The following CCDC148 variants were observed in gnomAD, a reference collection of about 807,000 sequenced individuals.
The protein encoded by CCDC148 is coiled-coil domain containing 148.
CCDC148 carries 89 observed loss-of-function variants against 85.7 expected under a neutral mutation model. That is an observed-to-expected ratio of 1.04 (90% confidence interval 0.87 to 1.24). The LOEUF (loss-of-function observed/expected upper bound fraction) is 1.24, where lower values mean the gene tolerates loss of function less well. Among genes scored for constraint, CCDC148 ranks in the 50% most tolerant of loss-of-function variants. The pLI is 0.00. For synonymous variants in CCDC148, 230 were observed against 213.9 expected (o/e 1.08, Z -0.66); for missense variants, 692 against 671.7 (o/e 1.03, Z -0.33).
At chr2:158,247,545 C>A (rs1688616417) in intron 10 of CCDC148, among the ~76,000 whole-genome samples, 1 of 152,062 alleles carries the variant, frequency 6.6e-6, no homozygotes, top group Admixed American at 6.6e-5. Flanking sequence ...TAGCTCACTT[C>A]TACTACGGAA....
At chr2:158,353,601 G>A (rs951711760) in intron 2 of CCDC148, among the ~76,000 whole-genome samples, 1 of 151,934 alleles carries the variant, frequency 6.6e-6, no homozygotes, top group African/African-American at 2.4e-5. Flanking sequence ...CCTACAAAGA[G>A]ACTTAGACTC....
At chr2:158,362,666 G>A (rs1431247732) in intron 1 of CCDC148, among the ~76,000 whole-genome samples, 1 of 152,168 alleles carries the variant, frequency 6.6e-6, no homozygotes, top group African/African-American at 2.4e-5. Flanking sequence ...AACAGCTAAA[G>A]CAGTGTGTAG....
At chr2:158,183,323 C>A (rs950618598) in intron 11 of CCDC148, among the ~76,000 whole-genome samples, 1 of 152,130 alleles carries the variant, frequency 6.6e-6, no homozygotes, top group Non-Finnish European at 1.5e-5. Flanking sequence ...AATGTGTGCA[C>A]AGCACTCTAA....
chr2:158,369,303 G>T (rs1684336372), intron 1 of CCDC148, among the ~76,000 whole-genome samples: 1 of 152,094 alleles, frequency 6.6e-6, no homozygotes, highest in Admixed American at 6.6e-5. Context: ...TCCTATCCAT[G>T]AGCATGGAAT....
At chr2:158,210,898 G>T (rs1277985234) in intron 11 of CCDC148, among the ~76,000 whole-genome samples, 1 of 149,334 alleles carries the variant, frequency 6.7e-6, no homozygotes, top group African/African-American at 2.5e-5. Context: ...GGCGGAGCTT[G>T]CAGTGAGCCA....
At chr2:158,306,432 T>C (rs1033469574) in intron 9 of CCDC148, among the ~76,000 whole-genome samples, 7 of 152,110 alleles carry the variant, frequency 4.6e-5, no homozygotes, top group Admixed American at 6.5e-5. Flanking sequence ...CCAACCCAAA[T>C]GTCCATCAAT....
intron 11 of CCDC148, among the ~76,000 whole-genome samples, chr2:158,198,350 C>T (rs1305552591): frequency 2.0e-5 from 3 of 152,110 alleles, no homozygotes; most frequent in Non-Finnish European, 1.5e-5. Flanking sequence ...AGTAGACACT[C>T]AATAATAATT....
intron 7 of CCDC148, 37 bp from the exon 8 acceptor site, chr2:158,313,931 C>T: frequency 6.3e-7 from 1 of 1,586,222 alleles, no homozygotes; most frequent in Non-Finnish European, 8.6e-7. Flanking sequence ...TATTATTGAG[C>T]AATCATGAAA....
chr2:158,316,327 T>C (rs978743041), intron 7 of CCDC148, among the ~76,000 whole-genome samples: 5 of 152,340 alleles, frequency 3.3e-5, no homozygotes, highest in African/African-American at 1.2e-4. Flanking sequence ...TGGCACTCAG[T>C]GCATTTTTAT....
At chr2:158,209,445 G>A (rs1400010882) in intron 11 of CCDC148, among the ~76,000 whole-genome samples, 1 of 152,120 alleles carries the variant, frequency 6.6e-6, no homozygotes, top group Non-Finnish European at 1.5e-5. Flanking sequence ...GTATATAATG[G>A]TTGCCTCCAT....
intron 1 of CCDC148, among the ~76,000 whole-genome samples, chr2:158,443,501 C>CAAAA (rs1226963790): frequency 3.0e-4 from 18 of 59,286 alleles, no homozygotes; most frequent in African/African-American, 8.4e-4. Context: ...AAGTCTATCT[C>CAAAA]AAAAAAAAAA....
intron 11 of CCDC148, among the ~76,000 whole-genome samples, chr2:158,199,997 G>T (rs189444718): frequency 1.3e-5 from 2 of 152,142 alleles, no homozygotes; most frequent in African/African-American, 4.8e-5. Context: ...GGGTTGAGAC[G>T]CATTCAAACT....
intron 9 of CCDC148, among the ~76,000 whole-genome samples, chr2:158,296,471 T>G (rs1311095020): frequency 6.6e-6 from 1 of 152,236 alleles, no homozygotes; most frequent in African/African-American, 2.4e-5. Flanking sequence ...TTAACAGATA[T>G]TTTAAGAATA....
At chr2:158,366,140 G>T in intron 1 of CCDC148, 1 of 1,159,102 alleles carries the variant, frequency 8.6e-7, no homozygotes, top group Non-Finnish European at 1.2e-6. Context: ...TTAAAGCTGT[G>T]TTACTTGAAG....
At chr2:158,238,780 T>G (rs1483249724) in intron 10 of CCDC148, among the ~76,000 whole-genome samples, 1 of 152,180 alleles carries the variant, frequency 6.6e-6, no homozygotes, top group Non-Finnish European at 1.5e-5. Flanking sequence ...TGAATAGTTC[T>G]GAGTAAACCA....
intron 1 of CCDC148, among the ~76,000 whole-genome samples, chr2:158,377,306 T>C (rs182396828): frequency 6.6e-6 from 1 of 151,900 alleles, no homozygotes; most frequent in East Asian, 1.9e-4. Context: ...CAAATTACCA[T>C]GTAACACAAG....
At chr2:158,443,192 A>T (rs1203651634) in intron 1 of CCDC148, among the ~76,000 whole-genome samples, 1 of 151,968 alleles carries the variant, frequency 6.6e-6, no homozygotes, top group East Asian at 1.9e-4. Context: ...AAAAAAAGTC[A>T]CTCAGGCACA....
chr2:158,348,711 T>C (rs1028195347), intron 2 of CCDC148, among the ~76,000 whole-genome samples: 4 of 151,984 alleles, frequency 2.6e-5, no homozygotes, highest in African/African-American at 9.7e-5. Flanking sequence ...GGTAGCAGTA[T>C]AGAGGAAACA....
intron 8 of CCDC148, among the ~76,000 whole-genome samples, chr2:158,310,955 T>C (rs1691973065): frequency 7.0e-6 from 1 of 143,692 alleles, no homozygotes; most frequent in Non-Finnish European, 1.5e-5. Context: ...CTAGACAGTG[T>C]GGCGGCCGGG....
Sources: gnomAD v4.1 joint callset for allele counts (sites outside exome capture counted in the v4.1 genomes callset) on GRCh38, gnomAD v4.1.1 for gene constraint, MANE v1.5 for transcripts, NCBI Gene and HGNC (gene_info 2026-07-23, HGNC 2026-07-21) for gene names.